The following SLC23A2 variants were observed in gnomAD, a reference collection of about 807,000 sequenced individuals.
The protein encoded by SLC23A2 is solute carrier family 23 member 2.
In SLC23A2, 36 loss-of-function variants were observed where a neutral mutation model predicts 73.3. That is an observed-to-expected ratio of 0.49 (90% CI 0.38 to 0.65). SLC23A2 has a LOEUF of 0.65. Among genes scored for constraint, SLC23A2 ranks in the 30% least tolerant of loss-of-function variants. The pLI is 0.00. For synonymous variants in SLC23A2, 343 were observed against 327.3 expected, an observed-to-expected ratio of 1.05 and a Z score of -0.52; for missense variants, 507 against 841.6, an observed-to-expected ratio of 0.60 and a Z score of 4.92.
chr20:4,968,320 C>T lies in SLC23A2; in HGVS notation c.-155+2473G>A, dbSNP rs957334978. Among the ~76,000 whole-genome samples, 5 of 152,194 alleles carry T rather than the reference C, an allele frequency of 3.3e-5. No homozygotes were observed. The South Asian group carries it at 6.2e-4, about 19-fold the overall frequency. ...GGTGGCATATGATGCGTCTTTTGGG[C>T]GCTGAACACAACAGCCTAACCCCAG... On this transcript the variant is annotated intron_variant, in intron 2 of 16. Coordinates refer to ENST00000338244, the MANE Select transcript of SLC23A2 (RefSeq NM_005116.6).
chr20:4,946,874 G>A (rs1012472471), intron 2 of SLC23A2, among the ~76,000 whole-genome samples: 9 of 152,168 alleles, frequency 5.9e-5, no homozygotes, highest in Non-Finnish European at 8.8e-5. Flanking sequence ...AAAGTCATCC[G>A]CAGTCTTTCT....
intron 13 of SLC23A2, among the ~76,000 whole-genome samples, chr20:4,864,448 A>C (rs1930113468): frequency 6.6e-6 from 1 of 151,918 alleles, no homozygotes. Context: ...CACTGTCCCT[A>C]GCCTGCCCCA....
chr20:4,937,372 A>G lies in SLC23A2; in HGVS notation c.-154-4656T>C, dbSNP rs183155345. Among the ~76,000 whole-genome samples the G allele has an allele frequency of 3.3e-5, 5 of 152,244 alleles. No homozygotes were observed. In the East Asian group the frequency reaches 9.7e-4, roughly 29 times the overall value. On this transcript the variant is annotated intron_variant, in intron 2 of 16. Coordinates refer to ENST00000338244, the MANE Select transcript of SLC23A2 (RefSeq NM_005116.6). ...ACCCTTTGCAAAAGAGAGAAAGAGA[A>G]TGAGCAAATCCACTCGCTGTCTTGG...
rs900596002 is a variant in SLC23A2 at position 4,899,914 on chromosome 20, T to C, written c.325-202A>G. The stretch of plus-strand genomic sequence containing the variant: ...TAAGACAGTTTCACTCCCATTGCCC[T>C]CGACGGAGTGCAATGGTGCGATCTT... On this transcript the variant is annotated intron_variant, in intron 5 of 16. Transcript: ENST00000338244. The surrounding 1 kb of genome is among the most constrained non-coding windows in gnomAD (Gnocchi z 4.9). 2.0e-5 allele frequency among the ~76,000 whole-genome samples: 3 copies of C among 152,196 alleles called. No individual in the cohort carries two copies. The highest frequency in any genetic ancestry group is 6.5e-5 in the Admixed American group (1 of 15,276).
At chr20:4,981,606 C>T (rs969208896) in intron 1 of SLC23A2, among the ~76,000 whole-genome samples, 1 of 152,150 alleles carries the variant, frequency 6.6e-6, no homozygotes, top group Non-Finnish European at 1.5e-5. Flanking sequence ...TTTCAAACAA[C>T]AGATAATGAA....
At chr20:5,002,545 A>G (rs1186313855), upstream of SLC23A2, among the ~76,000 whole-genome samples, 1 of 152,192 alleles carries the variant, frequency 6.6e-6, no homozygotes, top group Non-Finnish European at 1.5e-5. Context: ...CCTCACATGG[A>G]GAGAAATTGA....
intron 1 of SLC23A2, among the ~76,000 whole-genome samples, chr20:4,979,585 A>C (rs1477628238): frequency 1.3e-5 from 2 of 152,154 alleles, no homozygotes; most frequent in Non-Finnish European, 2.9e-5. Flanking sequence ...TAAAATATAG[A>C]GACAATAATA....
intron 1 of SLC23A2, among the ~76,000 whole-genome samples, chr20:4,997,981 T>C (rs1285578180): frequency 6.6e-6 from 1 of 152,102 alleles, no homozygotes; most frequent in East Asian, 1.9e-4. Flanking sequence ...GATGGCCACC[T>C]ACAAGCCAGG....
At chr20:4,861,754 T>C (rs1444733555) in intron 15 of SLC23A2, among the ~76,000 whole-genome samples, 194 bp downstream of exon 15, 1 of 152,190 alleles carries the variant, frequency 6.6e-6, no homozygotes, top group Non-Finnish European at 1.5e-5. Flanking sequence ...ATGACTGTTA[T>C]GTGTACACGC....
intron 2 of SLC23A2, among the ~76,000 whole-genome samples, chr20:4,955,151 G>A (rs1473988669): frequency 6.6e-6 from 1 of 152,006 alleles, no homozygotes; most frequent in African/African-American, 2.4e-5. Flanking sequence ...TACTGGGAAG[G>A]CTGAGGTAGG....
intron 2 of SLC23A2, among the ~76,000 whole-genome samples, chr20:4,941,705 G>GA (rs758048954): frequency 1.1e-3 from 143 of 129,394 alleles, no homozygotes; most frequent in African/African-American, 1.0e-3. Flanking sequence ...CTGTCTCGAG[G>GA]AAAAAAAAAA....
Position 4,857,930 on chromosome 20 carries a change from TAAAAACAAAA to T in SLC23A2, c.1721-736_1721-727del, listed in dbSNP as rs1929798010. ...TGGGCAACAGAGCAAGACTCTGTCT[TAAAAACAAAA>T]CAAAACAAAACAAAACAAACAACAA... On this transcript the variant is annotated intron_variant, in intron 16 of 16. Transcript: ENST00000338244. This position sits in a 1 kb window ranked among gnomAD's most constrained non-coding sequence, Gnocchi z 4.0. Among the ~76,000 whole-genome samples, 1 of 150,824 alleles carries T rather than the reference TAAAAACAAAA, an allele frequency of 6.6e-6. No homozygotes were observed. The highest frequency in any genetic ancestry group is 2.5e-5 in the African/African-American group (1 of 40,462).
chr20:4,961,130 C>T (rs1377777159), intron 2 of SLC23A2, among the ~76,000 whole-genome samples: 6 of 137,104 alleles, frequency 4.4e-5, no homozygotes, highest in East Asian at 2.1e-4. Context: ...TTTTTTGAGA[C>T]GGAGTCTCGC....
chr20:4,893,851 G>C (rs1568612631), intron 6 of SLC23A2, among the ~76,000 whole-genome samples: 1 of 152,186 alleles, frequency 6.6e-6, no homozygotes, highest in Admixed American at 6.5e-5. Flanking sequence ...GAGGGGCCTG[G>C]AGTGAAAGGC....
intron 2 of SLC23A2, among the ~76,000 whole-genome samples, chr20:4,939,796 A>G (rs1395407734): frequency 6.6e-6 from 1 of 152,232 alleles, no homozygotes; most frequent in Non-Finnish European, 1.5e-5. Flanking sequence ...TAAATACTTA[A>G]GGATAAATTA....
chr20:4,880,694 G>A (rs1051909862), intron 9 of SLC23A2, among the ~76,000 whole-genome samples: 1 of 151,890 alleles, frequency 6.6e-6, no homozygotes, highest in Non-Finnish European at 1.5e-5. Context: ...GTGGAGTGGA[G>A]GAAGGCATCT....
intron 6 of SLC23A2, among the ~76,000 whole-genome samples, chr20:4,898,554 C>T (rs1931634207): frequency 6.6e-6 from 1 of 152,210 alleles, no homozygotes; most frequent in Non-Finnish European, 1.5e-5. Flanking sequence ...TTAGGACAGT[C>T]CTGCCAGAGC....
intron 2 of SLC23A2, among the ~76,000 whole-genome samples, chr20:4,935,611 A>G (rs2086950507): frequency 6.6e-6 from 1 of 152,140 alleles, no homozygotes; most frequent in South Asian, 2.1e-4. Flanking sequence ...ATCCTGGCTA[A>G]CATGGTGAAA....
At chr20:4,964,011 A>T (rs1029250339) in intron 2 of SLC23A2, among the ~76,000 whole-genome samples, 28 of 147,294 alleles carry the variant, frequency 1.9e-4, no homozygotes, top group East Asian at 2.0e-4. Context: ...CCATTAACTT[A>T]TTTTTTTTTT....
Sources: gnomAD v4.1 joint callset for allele counts (sites outside exome capture counted in the v4.1 genomes callset) on GRCh38, gnomAD v4.1.1 for gene constraint, Gnocchi (gnomAD v3.1) non-coding constraint, MANE v1.5 for transcripts, NCBI Gene and HGNC (gene_info 2026-07-23, HGNC 2026-07-21) for gene names.